KCNMB3: variants seen among roughly 807,000 people sequenced by gnomAD.
The protein encoded by KCNMB3 is calcium-activated potassium channel subunit beta-3.
KCNMB3 carries 18 observed loss-of-function variants against 11.9 expected under a neutral mutation model. The ratio of observed to expected loss-of-function variants is 1.51; its 90% confidence interval spans 1.04 to 2.23. KCNMB3 has a LOEUF of 2.23. KCNMB3 is among the 30% of genes most tolerant of loss of function. The pLI is 0.00. For missense variants in KCNMB3, 247 were observed against 329.4 expected (o/e 0.75, Z 1.94); for synonymous variants, 78 against 119.2 (o/e 0.65, Z 2.25).
intron 1 of KCNMB3, among the ~76,000 whole-genome samples, chr3:179,258,156 G>A (rs1227207971): frequency 6.6e-6 from 1 of 152,198 alleles, no homozygotes; most frequent in African/African-American, 2.4e-5. Context: ...AACGTGCTGA[G>A]ATTACAGGCG....
intron 2 of KCNMB3, among the ~76,000 whole-genome samples, chr3:179,243,556 ACTC>A (rs1725534180): frequency 6.7e-6 from 1 of 150,080 alleles, no homozygotes; most frequent in African/African-American, 2.5e-5. Flanking sequence ...AAGGAATATG[ACTC>A]CTCCCTACAT....
At chr3:179,261,366 T>C in intron 1 of KCNMB3, 1 of 1,135,554 alleles carries the variant, frequency 8.8e-7, no homozygotes, top group Non-Finnish European at 1.1e-6. Context: ...GCGCGCGCTC[T>C]GTCCGCGGAG....
At chr3:179,258,951 G>A in intron 1 of KCNMB3, 1 of 1,613,832 alleles carries the variant, frequency 6.2e-7, no homozygotes, top group South Asian at 1.1e-5. Context: ...TACTTACATT[G>A]GCAGTGGAGA....
intron 1 of KCNMB3, among the ~76,000 whole-genome samples, chr3:179,263,449 G>T (rs985591370): frequency 2.9e-4 from 44 of 152,256 alleles, no homozygotes; most frequent in Admixed American, 2.9e-3. Flanking sequence ...CCCAGAAAGG[G>T]GCTCCTCAGG....
downstream of KCNMB3, chr3:179,242,035 T>C (rs980150612): frequency 1.3e-5 from 2 of 154,120 alleles, no homozygotes; most frequent in African/African-American, 4.8e-5. Context: ...CAAGGCTAAA[T>C]ACTAGTAACT....
intron 1 of KCNMB3, chr3:179,260,049 TCTAA>T (rs1726152628): frequency 4.3e-6 from 7 of 1,611,966 alleles, no homozygotes; most frequent in Non-Finnish European, 5.9e-6. Flanking sequence ...TATGCTTGTC[TCTAA>T]CTGTTGGGGG....
chr3:179,266,578 T>A, intron 1 of KCNMB3: 2 of 1,567,794 alleles, frequency 1.3e-6, no homozygotes, highest in Middle Eastern at 1.7e-4. Context: ...AAGCTCGAGA[T>A]GTCCCCTCTT....
At chr3:179,252,546 T>A (rs916616172), upstream of KCNMB3, among the ~76,000 whole-genome samples, 1 of 152,092 alleles carries the variant, frequency 6.6e-6, no homozygotes. Flanking sequence ...ATCCAGAATG[T>A]TCCAAGAGCC....
At chr3:179,241,847 A>G (rs1429322260), downstream of KCNMB3, 1 of 154,228 alleles carries the variant, frequency 6.5e-6, no homozygotes, top group African/African-American at 2.4e-5. Flanking sequence ...AACTGGAATT[A>G]CTTTTGCACC....
chr3:179,266,642 G>A (rs1204069809), intron 1 of KCNMB3: 2 of 1,614,038 alleles, frequency 1.2e-6, no homozygotes, highest in East Asian at 2.2e-5. Flanking sequence ...TTCCGGAAGT[G>A]ACTTACCTCC....
upstream of KCNMB3, chr3:179,251,202 T>C: frequency 6.3e-7 from 1 of 1,586,368 alleles, no homozygotes; most frequent in South Asian, 1.1e-5. Context: ...AGAGATCTGT[T>C]TAATCAATAA....
Position 179,250,845 on chromosome 3 carries a change from G to C in KCNMB3, c.146C>G (p.Ala49Gly). The C allele has an allele frequency of 1.2e-6, 2 of 1,614,134 alleles. No homozygotes were observed. The highest frequency in any genetic ancestry group is 1.7e-6 in the Non-Finnish European group (2 of 1,179,994). ...CAGCATCACGGCTCGGTCCTCTCCA[G>C]CACTGGATGGCAGCCTCTTGTGCAC... ...LDVHKRLPSS[A>G]GEDRAVMLGF... The change falls in exon 1 of 3, where the codon GCT (alanine) becomes GGT (glycine). Residue 49 changes from alanine to glycine, a missense_variant. Physicochemically the swap from Ala to Gly is moderately conservative, Grantham distance 60. Coordinates refer to ENST00000392685, the MANE Select transcript of KCNMB3 (RefSeq NM_171830.2).
chr3:179,263,171 C>T (rs369064044), intron 1 of KCNMB3, among the ~76,000 whole-genome samples: 12 of 152,312 alleles, frequency 7.9e-5, no homozygotes, highest in African/African-American at 1.9e-4. Flanking sequence ...TCAGGTATGG[C>T]GGGCTGCAGG....
At chr3:179,249,637 C>T (rs1356369837) in intron 1 of KCNMB3, among the ~76,000 whole-genome samples, 1 of 152,142 alleles carries the variant, frequency 6.6e-6, no homozygotes, top group Non-Finnish European at 1.5e-5. Context: ...CGTGCCACTG[C>T]ACTCCAGCCT....
chr3:179,258,821 T>C (rs1315109204), intron 1 of KCNMB3: 3 of 1,407,834 alleles, frequency 2.1e-6, no homozygotes, highest in Non-Finnish European at 3.0e-6. Context: ...AATATGTCTT[T>C]CTAATCTGGG....
chr3:179,259,120 CCAA>C, intron 1 of KCNMB3: 2 of 1,582,938 alleles, frequency 1.3e-6, no homozygotes, highest in East Asian at 4.5e-5. Context: ...CCTCCTGGTG[CCAA>C]CAAGTCATGG....
Position 179,257,872 on chromosome 3 carries a change from TTGTGTGTG to T in KCNMB3, c.63-6946_63-6939del, listed in dbSNP as rs112319528. On this transcript the variant is annotated intron_variant, in intron 1 of 3. Transcript: ENST00000349697. ...GGGTTACAGGCATGAAAACATTGTT[TTGTGTGTG>T]TGTGTGTGTGTGTGTGTGTTTTTTA... Among the ~76,000 whole-genome samples, 253 of 90,956 alleles carry T rather than the reference TTGTGTGTG, an allele frequency of 2.8e-3. 2 individuals carry two copies. Among genetic ancestry groups the T allele is most frequent in the East Asian group, 0.011 (9 of 786 alleles). The allele number at this position is 90,956 out of a possible 152,430, so 59.7% of individuals were successfully genotyped here. A position where few individuals can be genotyped will look rare whatever the true frequency, so the allele number is the denominator to read the frequency against.
chr3:179,252,222 A>G (rs1170673), upstream of KCNMB3, among the ~76,000 whole-genome samples: 126,496 of 152,050 alleles, frequency 0.83, 52,839 homozygotes, highest in Non-Finnish European at 0.86. Context: ...CACTTCCTAC[A>G]GTGTCACTGA....
intron 1 of KCNMB3, chr3:179,261,163 A>C (rs1726193712): frequency 1.5e-6 from 2 of 1,329,154 alleles, no homozygotes; most frequent in South Asian, 2.8e-5. Context: ...GGATCTCACG[A>C]GCCTCCGCGC....
Sources: allele counts gnomAD v4.1 joint callset (sites outside exome capture counted in the v4.1 genomes callset), GRCh38; gene constraint gnomAD v4.1.1; transcripts MANE v1.5; gene names NCBI Gene and HGNC (gene_info 2026-07-23, HGNC 2026-07-21).